The following PCDHGB3 variants were observed in gnomAD, a reference collection of about 807,000 sequenced individuals.
The protein encoded by PCDHGB3 is protocadherin gamma-B3.
In PCDHGB3, 40 loss-of-function variants were observed where a neutral mutation model predicts 59.2. That is an observed-to-expected ratio of 0.68 (90% CI 0.52 to 0.88). PCDHGB3 has a LOEUF of 0.88. Ranked by LOEUF, PCDHGB3 falls within the 40% of genes least tolerant of loss-of-function variation. PCDHGB3 has a pLI of 0.00. For synonymous variants in PCDHGB3, 581 were observed against 503.6 expected (o/e 1.15, Z -2.06); for missense variants, 1,309 against 1,187.9 (o/e 1.10, Z -1.50).
At chr5:141,384,606 A>AGATGGT in intron 1 of PCDHGB3, 1 of 1,614,152 alleles carries the variant, frequency 6.2e-7, no homozygotes, top group Non-Finnish European at 8.5e-7. Context: ...CCCTCCCCAC[A>AGATGGT]GATGGTTCTA....
Position 141,375,095 on chromosome 5 carries a change from T to C in PCDHGB3, c.2415+2286T>C, listed in dbSNP as rs370381070. 3.0e-4 allele frequency: 491 copies of C among 1,613,960 alleles called. 2 individuals are homozygous for C. In the African/African-American group the frequency reaches 5.9e-3, roughly 19 times the overall value. ...CAGAGCGAAAGTCTTAATAACTATCTTGGATGTCAATGATAATGTACCAGA... is the reference window on the plus strand; with the variant it reads ...CAGAGCGAAAGTCTTAATAACTATCCTGGATGTCAATGATAATGTACCAGA... On this transcript the variant is annotated intron_variant, in intron 1 of 3. Coordinates refer to ENST00000576222, the MANE Select transcript of PCDHGB3 (RefSeq NM_018924.5).
rs778054090 is a variant in PCDHGB3 at position 141,505,509 on chromosome 5, G to C, written c.2563+28G>C. On this transcript the variant is annotated intron_variant, in intron 3 of 3. Coordinates refer to ENST00000576222, the MANE Select transcript of PCDHGB3 (RefSeq NM_018924.5). ...AAGTGGTGTCAGTGTGTGTATGGAA[G>C]AGTGGGAGACCTGGGGTTCTGGGGT... The C allele has an allele frequency of 3.7e-6, 6 of 1,614,058 alleles. No homozygotes were observed. The East Asian group carries it at 1.1e-4, about 30-fold the overall frequency.
At chr5:141,375,170 G>A in intron 1 of PCDHGB3, 2 of 1,613,964 alleles carry the variant, frequency 1.2e-6, no homozygotes, top group Admixed American at 1.7e-5. Context: ...TGCACCTCCA[G>A]GAACAGTAAT....
At chr5:141,400,102 G>C (rs376189143) in intron 1 of PCDHGB3, 35 of 1,614,084 alleles carry the variant, frequency 2.2e-5, no homozygotes, top group Non-Finnish European at 3.0e-5. Context: ...GCTGCACTTG[G>C]TCTTTGCTGA....
chr5:141,389,886 G>A, intron 1 of PCDHGB3: 1 of 1,614,078 alleles, frequency 6.2e-7, no homozygotes, highest in Non-Finnish European at 8.5e-7. Context: ...CAGCTTGCAG[G>A]AGGTGCTGCC....
At chr5:141,385,163 A>G in intron 1 of PCDHGB3, 1 of 1,614,182 alleles carries the variant, frequency 6.2e-7, no homozygotes, top group Admixed American at 1.7e-5. Flanking sequence ...ACCTATTCCC[A>G]TGAGGTCTCC....
chr5:141,466,552 G>C lies in PCDHGB3; in HGVS notation c.2416-28255G>C, dbSNP rs913019489. On this transcript the variant is annotated intron_variant, in intron 1 of 3. Coordinates refer to ENST00000576222, the MANE Select transcript of PCDHGB3 (RefSeq NM_018924.5). ...ATTGATGTAGATGGTCTTTTGCTGTGGGCTTCATCTTCAACATTGTCTCAT... is the reference window on the plus strand; with the variant it reads ...ATTGATGTAGATGGTCTTTTGCTGTCGGCTTCATCTTCAACATTGTCTCAT... 2.6e-5 allele frequency among the ~76,000 whole-genome samples: 4 copies of C among 152,144 alleles called. No homozygotes were observed. The South Asian group carries it at 8.3e-4, about 32-fold the overall frequency.
intron 1 of PCDHGB3, among the ~76,000 whole-genome samples, chr5:141,451,830 G>A (rs940668278): frequency 6.6e-5 from 10 of 151,238 alleles, no homozygotes; most frequent in East Asian, 1.9e-4. Flanking sequence ...ACAGTGAGCC[G>A]AGATCACACC....
intron 1 of PCDHGB3, chr5:141,393,825 G>C: frequency 6.2e-7 from 1 of 1,613,964 alleles, no homozygotes; most frequent in Non-Finnish European, 8.5e-7. Flanking sequence ...CATTTCGGTG[G>C]AAGATGTAAA....
intron 1 of PCDHGB3, chr5:141,409,996 G>A (rs1561724976): frequency 6.2e-7 from 1 of 1,613,132 alleles, no homozygotes; most frequent in Non-Finnish European, 8.5e-7. Context: ...ACGCCGACTC[G>A]GGACACAACG....
chr5:141,391,780 T>C (rs1004185174), intron 1 of PCDHGB3: 1 of 152,220 alleles, frequency 6.6e-6, no homozygotes, highest in Non-Finnish European at 1.5e-5. Context: ...TAGTCATTAC[T>C]TTTTGCAGTT....
Position 141,372,323 on chromosome 5 carries a change from G to T in PCDHGB3, c.1929G>T (p.Leu643=). The T allele has an allele frequency of 3.1e-6, 5 of 1,613,694 alleles. No individual in the cohort carries two copies. The highest frequency in any genetic ancestry group is 4.2e-6 in the Non-Finnish European group (5 of 1,179,906). ...GDREAARQRL[L]VTVRDGGQQP... ...GGGAGGCCGCCCGCCAGCGCCTGCT[G>T]GTCACTGTGCGTGATGGAGGACAGC... The change falls in exon 1 of 4, where the codon CTG becomes CTT. Residue 643 remains leucine (L), a synonymous_variant. Transcript: ENST00000576222.
chr5:141,477,211 C>G lies in PCDHGB3; in HGVS notation c.2416-17596C>G. 2 of 1,614,154 alleles carry G rather than the reference C, an allele frequency of 1.2e-6. No individual in the cohort carries two copies. Among genetic ancestry groups the G allele is most frequent in the Non-Finnish European group, 1.7e-6 (2 of 1,180,036 alleles). On this transcript the variant is annotated intron_variant, in intron 1 of 3. Transcript: ENST00000576222. The surrounding 1 kb of genome is among the most constrained non-coding windows in gnomAD (Gnocchi z 4.9). ...TGTACAGCCCAGTACCCGAGGATGC[C>G]CCTCTGGGGACTGTCATCGCTTTGC...
At position 141,489,910 on chromosome 5, in the gene PCDHGB3, G is replaced by T; in HGVS notation, c.2416-4897G>T. ...GGATGGGGGGACCCCAGCCCGCTCA[G>T]GGACCACCCTTATCTCTGTCATCGT... On this transcript the variant is annotated intron_variant, in intron 1 of 3. Transcript: ENST00000576222. This position sits in a 1 kb window ranked among gnomAD's most constrained non-coding sequence, Gnocchi z 4.5. 1 of 1,614,226 alleles carries T rather than the reference G, an allele frequency of 6.2e-7. No homozygotes were observed. The highest frequency in any genetic ancestry group is 8.5e-7 in the Non-Finnish European group (1 of 1,180,030).
intron 1 of PCDHGB3, among the ~76,000 whole-genome samples, chr5:141,456,046 C>T (rs759479772): frequency 1.3e-5 from 2 of 151,904 alleles, no homozygotes; most frequent in Non-Finnish European, 2.9e-5. Context: ...TACAGGCGCC[C>T]ACCACCACGT....
rs941528168 is a variant in PCDHGB3, at chr5:141,476,433, T to C, written c.2416-18374T>C. 2 of 1,614,094 alleles carry C rather than the reference T, an allele frequency of 1.2e-6. No individual in the cohort carries two copies. The highest frequency in any genetic ancestry group is 2.2e-5 in the East Asian group (1 of 44,856). ...TGTGGGACACTGCCCTCTTGCACTGTAACTCTGGAGTTGGTAGTGGAGAAC... is the reference window on the plus strand; with the variant it reads ...TGTGGGACACTGCCCTCTTGCACTGCAACTCTGGAGTTGGTAGTGGAGAAC... On this transcript the variant is annotated intron_variant, in intron 1 of 3. Coordinates refer to ENST00000576222, the MANE Select transcript of PCDHGB3 (RefSeq NM_018924.5). This position sits in a 1 kb window ranked among gnomAD's most constrained non-coding sequence, Gnocchi z 7.6.
intron 1 of PCDHGB3, chr5:141,419,577 C>T: frequency 3.7e-6 from 6 of 1,611,732 alleles, no homozygotes; most frequent in Non-Finnish European, 5.1e-6. Flanking sequence ...GACGGCTCCG[C>T]GCTCTTCGAC....
intron 1 of PCDHGB3, among the ~76,000 whole-genome samples, chr5:141,460,508 G>C (rs1390313220): frequency 6.6e-6 from 1 of 152,040 alleles, no homozygotes; most frequent in East Asian, 1.9e-4. Context: ...TGCTGAGAAG[G>C]CTATCTTTTC....
At chr5:141,481,465 T>C (rs561789315) in intron 1 of PCDHGB3, among the ~76,000 whole-genome samples, 2 of 152,334 alleles carry the variant, frequency 1.3e-5, no homozygotes, top group South Asian at 2.1e-4. Context: ...CTGAAAACCA[T>C]TGGATTATAC....
Sources: gnomAD v4.1 joint callset for allele counts (sites outside exome capture counted in the v4.1 genomes callset) on GRCh38, gnomAD v4.1.1 for gene constraint, Gnocchi (gnomAD v3.1) non-coding constraint, MANE v1.5 for transcripts, NCBI Gene and HGNC (gene_info 2026-07-23, HGNC 2026-07-21) for gene names.